The following FAM193A variants were observed in gnomAD, a reference collection of about 807,000 sequenced individuals.
The protein encoded by FAM193A is family with sequence similarity 193 member A, also known as protein FAM193A.
Under a neutral mutation model 126.5 loss-of-function variants are expected in FAM193A, and 22 were observed. The observed-to-expected ratio is 0.17, with a 90% CI of 0.12 to 0.25. The LOEUF is 0.25. Ranked by LOEUF, FAM193A falls within the 10% of genes least tolerant of loss-of-function variation. The pLI is 1.00. For missense variants in FAM193A, 1,675 were observed against 1,672.8 expected, an observed-to-expected ratio of 1.00 and a Z score of -0.02; for synonymous variants, 761 against 646.8, an observed-to-expected ratio of 1.18 and a Z score of -2.68.
At chr4:2,574,544 G>A (rs1739478740) in intron 1 of FAM193A, among the ~76,000 whole-genome samples, 1 of 152,124 alleles carries the variant, frequency 6.6e-6, no homozygotes, top group African/African-American at 2.4e-5. Context: ...CGTGTGTATT[G>A]ACGGTCATGG....
chr4:2,704,777 T>C (rs1008949754), intron 19 of FAM193A, among the ~76,000 whole-genome samples: 1 of 152,304 alleles, frequency 6.6e-6, no homozygotes, highest in East Asian at 1.9e-4. Context: ...AGTTTTCATT[T>C]GCATTTTTCT....
chr4:2,593,454 C>G (rs911723391), intron 1 of FAM193A, among the ~76,000 whole-genome samples: 1 of 152,206 alleles, frequency 6.6e-6, no homozygotes, highest in Non-Finnish European at 1.5e-5. Flanking sequence ...CACTGTCCAC[C>G]GGGTTAAAGG....
intron 1 of FAM193A, among the ~76,000 whole-genome samples, chr4:2,573,687 T>G (rs1739422344): frequency 6.6e-6 from 1 of 152,098 alleles, no homozygotes; most frequent in Admixed American, 6.6e-5. Context: ...GCTGGGAGCC[T>G]ACCTGTCGGG....
At chr4:2,685,413 G>A (rs1715623631) in intron 13 of FAM193A, among the ~76,000 whole-genome samples, 2 of 152,216 alleles carry the variant, frequency 1.3e-5, no homozygotes, top group African/African-American at 4.8e-5. Flanking sequence ...GGCAGGTAAA[G>A]CTATGTGGAT....
intron 13 of FAM193A, among the ~76,000 whole-genome samples, chr4:2,675,738 G>A (rs1012011808): frequency 1.3e-5 from 2 of 152,116 alleles, no homozygotes; most frequent in Middle Eastern, 3.2e-3. Context: ...GCCATCATCC[G>A]TCTCCATAAC....
At chr4:2,610,960 C>T (rs2108942294) in intron 2 of FAM193A, among the ~76,000 whole-genome samples, 1 of 152,276 alleles carries the variant, frequency 6.6e-6, no homozygotes, top group East Asian at 1.9e-4. Context: ...TGGTCTCAAA[C>T]TTACAACCTC....
chr4:2,542,005 C>T (rs1737263510), intron 1 of FAM193A, among the ~76,000 whole-genome samples: 1 of 151,606 alleles, frequency 6.6e-6, no homozygotes. Flanking sequence ...AGTGCACCAC[C>T]ACACCTGGCA....
Position 2,695,275 on chromosome 4 carries a change from C to T in FAM193A, c.3276+146C>T, listed in dbSNP as rs889098815. 6.9e-5 allele frequency: 43 copies of T among 625,444 alleles called. No homozygotes were observed. The African/African-American group carries it at 7.6e-4, about 11-fold the overall frequency. 38.7% of individuals were successfully genotyped at this position (625,444 alleles called of 1,614,324 possible). A position where few individuals can be genotyped will look rare whatever the true frequency, so the allele number is the denominator to read the frequency against. On this transcript the variant is annotated intron_variant, in intron 17 of 20. Transcript: ENST00000637812. ...AAAGAAACAAAGAAAAATATATGCC[C>T]AAAGATTTAGCCATAATGATTTTTT...
intron 1 of FAM193A, among the ~76,000 whole-genome samples, chr4:2,549,826 C>G (rs183144915): frequency 3.3e-5 from 5 of 152,120 alleles, no homozygotes; most frequent in East Asian, 3.9e-4. Context: ...CTCCTGAGTT[C>G]AAGTGATTTT....
chr4:2,695,494 C>G (rs934686229), intron 17 of FAM193A, among the ~76,000 whole-genome samples: 4 of 152,206 alleles, frequency 2.6e-5, no homozygotes, highest in African/African-American at 9.6e-5. Context: ...TTGGTACACA[C>G]ACATACTTGT....
At chr4:2,537,573 C>G (rs1736962626) in intron 1 of FAM193A, among the ~76,000 whole-genome samples, 2 of 152,226 alleles carry the variant, frequency 1.3e-5, no homozygotes, top group African/African-American at 4.8e-5. Flanking sequence ...GGGCTTCTGT[C>G]GTGGCGCCTC....
At chr4:2,704,261 CA>C (rs958166050) in intron 19 of FAM193A, among the ~76,000 whole-genome samples, 207 of 89,280 alleles carry the variant, frequency 2.3e-3, no homozygotes, top group Admixed American at 3.9e-3. Flanking sequence ...GACTCCATCT[CA>C]AAAAAAAAAA....
rs565973691 is a variant in FAM193A, at chr4:2,595,333, G to A, written c.256-751G>A. ...CCAGGTGCTGGGATCACAGGCGTAA[G>A]CCACTGTGCCCAGCCTTCAGTTTCT... On this transcript the variant is annotated intron_variant, in intron 1 of 20. Coordinates refer to ENST00000637812, the MANE Select transcript of FAM193A (RefSeq NM_001366318.2). Among the ~76,000 whole-genome samples the A allele has an allele frequency of 2.6e-5, 4 of 152,348 alleles. No individual in the cohort carries two copies. The East Asian group carries it at 7.7e-4, about 29-fold the overall frequency.
chr4:2,727,251 G>A (rs1022826485), intron 20 of FAM193A, among the ~76,000 whole-genome samples: 23 of 151,166 alleles, frequency 1.5e-4, no homozygotes, highest in Non-Finnish European at 2.8e-4. Context: ...GCAAGACTCC[G>A]TCTCAAAAAA....
intron 1 of FAM193A, among the ~76,000 whole-genome samples, chr4:2,539,315 CATCTT>C (rs1737078298): frequency 6.6e-6 from 1 of 152,272 alleles, no homozygotes; most frequent in Non-Finnish European, 1.5e-5. Flanking sequence ...GGATCCCTCT[CATCTT>C]AGTTTTACTA....
rs761131118 is a variant in FAM193A, at chr4:2,659,966, G to A, written c.1657G>A (p.Ala553Thr). ...GAGGAGCCCGCCCAGTGTGTCATCT[G>A]CAAGCTCGGGGTCCGGCTCCAGCTC... ...AERSPPSVSS[A>T]SSGSGSSSPI... is the part of the protein sequence containing the mutation. Residue 553 changes from alanine to threonine, a missense_variant, in exon 10 of 21, where the codon GCA becomes ACA. By Grantham distance (58) the Ala-to-Thr change is moderately conservative. Coordinates refer to ENST00000637812, the MANE Select transcript of FAM193A (RefSeq NM_001366318.2). 1.9e-6 allele frequency: 3 copies of A among 1,614,062 alleles called. No individual in the cohort carries two copies. The highest frequency in any genetic ancestry group is 1.1e-5 in the South Asian group (1 of 91,090).
In FAM193A at chr4:2,567,008, C is replaced by T. The variant is rs1442414904; in HGVS notation, c.256-29076C>T. ...AGGCTGGAATGCAGTGGCACAATCT[C>T]GGCTCACTGCAAGCTCCGCCTCCCA... On this transcript the variant is annotated intron_variant, in intron 1 of 20. Transcript: ENST00000637812. Among the ~76,000 whole-genome samples, 4 of 150,372 alleles carry T rather than the reference C, an allele frequency of 2.7e-5. No individual in the cohort carries two copies. The East Asian group carries it at 5.9e-4, about 22-fold the overall frequency.
At chr4:2,542,533 A>G (rs1233919238) in intron 1 of FAM193A, among the ~76,000 whole-genome samples, 1 of 152,226 alleles carries the variant, frequency 6.6e-6, no homozygotes, top group African/African-American at 2.4e-5. Context: ...CTTTATGGTA[A>G]CTGGGGTAAA....
intron 7 of FAM193A, among the ~76,000 whole-genome samples, chr4:2,657,575 GTTTA>G (rs1309161939): frequency 6.6e-6 from 1 of 152,048 alleles, no homozygotes; most frequent in East Asian, 1.9e-4. Context: ...TCTTTTTACT[GTTTA>G]TTCATCTCTG....
Sources: allele counts gnomAD v4.1 joint callset (sites outside exome capture counted in the v4.1 genomes callset), GRCh38; gene constraint gnomAD v4.1.1; transcripts MANE v1.5; gene names NCBI Gene and HGNC (gene_info 2026-07-23, HGNC 2026-07-21).